Variants in KCND1 observed in about 807,000 individuals in gnomAD.
The protein encoded by KCND1 is A-type voltage-gated potassium channel KCND1.
Under a neutral mutation model 31.8 loss-of-function variants are expected in KCND1, and 11 were observed. The observed-to-expected ratio is 0.35, with a 90% confidence interval of 0.22 to 0.57. The LOEUF (loss-of-function observed/expected upper bound fraction) is 0.57. KCND1 is among the 20% of genes least tolerant of loss of function. KCND1 has a pLI of 0.85. For synonymous variants in KCND1, 234 were observed against 248.1 expected (o/e 0.94, Z 0.53); for missense variants, 471 against 596.8 (o/e 0.79, Z 2.20).
Position 48,970,235 on chromosome X carries a change from G to A in KCND1, c.37C>T (p.Arg13Trp), listed in dbSNP as rs782455528. The A allele has an allele frequency of 7.5e-6, 9 of 1,202,844 alleles. No individual in the cohort carries two copies. Among genetic ancestry groups the A allele is most frequent in the African/African-American group, 1.8e-5 (1 of 57,050 alleles). The change falls in exon 1 of 6, where the codon CGG (arginine) becomes TGG (tryptophan). Residue 13 changes from arginine to tryptophan, a missense_variant. By Grantham distance (101) the Arg-to-Trp change is moderately radical (BLOSUM62 -3). Coordinates refer to ENST00000218176, the MANE Select transcript of KCND1 (RefSeq NM_004979.6). ...AGLATWLPFARAAAVGWLPLA... is the reference protein window; with the variant it reads ...AGLATWLPFAWAAAVGWLPLA... ...GGCAGCCAGCCCACTGCTGCTGCCC[G>A]AGCAAAAGGCAGCCACGTGGCCAGG... is the stretch of plus-strand genomic sequence containing the variant.
chrX:48,968,406 T>C (rs918191528), intron 1 of KCND1: 2 of 111,642 alleles, frequency 1.8e-5, no homozygotes, highest in South Asian at 3.7e-4. Context: ...GGCTCAGAAG[T>C]AGTGCCCCAC....
intron 5 of KCND1, among the ~76,000 whole-genome samples, chrX:48,965,077 C>T (rs1188157899): frequency 1.2e-4 from 11 of 94,560 alleles, no homozygotes; most frequent in African/African-American, 3.1e-4. Flanking sequence ...TTTTAGACAG[C>T]GTTTCACTCT....
At position 48,969,368 on chromosome X, in the gene KCND1, T is replaced by C. The variant is rs368016989; in HGVS notation, c.904A>G (p.Ile302Val). The change falls in exon 1 of 6, where the codon ATC (isoleucine) becomes GTC (valine). Residue 302 changes from isoleucine to valine, a missense_variant. By Grantham distance (29) the Ile-to-Val change is conservative (BLOSUM62 3). This residue lies in a region of KCND1 where 74 missense variants were observed against 154.2 expected (regional missense o/e 0.48). Coordinates refer to ENST00000218176, the MANE Select transcript of KCND1 (RefSeq NM_004979.6). ...TGTGAGTGCCTGGAGAACTTGAAGA[T>C]GCGAAACACCCGGAACACACGCAGG... ...VTLRVFRVFRIFKFSRHSQGL... is the reference protein window; with the variant it reads ...VTLRVFRVFRVFKFSRHSQGL... 3.3e-6 allele frequency: 4 copies of C among 1,208,580 alleles called. No individual in the cohort carries two copies. Among genetic ancestry groups the C allele is most frequent in the Non-Finnish European group, 4.5e-6 (4 of 894,366 alleles).
chrX:48,962,608 G>A lies in KCND1; in HGVS notation c.1917C>T (p.Pro639=), dbSNP rs1557057266. 3.3e-6 allele frequency: 4 copies of A among 1,207,714 alleles called. No homozygotes were observed. Among genetic ancestry groups the A allele is most frequent in the South Asian group, 1.8e-5 (1 of 56,443 alleles). The change falls in exon 6 of 6, where the codon CCC becomes CCT. Residue 639 remains proline (P), a synonymous_variant. Coordinates refer to ENST00000218176, the MANE Select transcript of KCND1 (RefSeq NM_004979.6). Reference sequence around the variant, plus strand: ...ACAGGGATGAGATCTTGACAGTCTCGGGGAAGAGGCAAGGGGTACCCAGGC... The same window carrying A: ...ACAGGGATGAGATCTTGACAGTCTCAGGGAAGAGGCAAGGGGTACCCAGGC... The part of the protein sequence containing the change: ...NSSLGTPCLF[P]ETVKISSL
At chrX:48,966,729 C>T in intron 3 of KCND1, 32 bp downstream of exon 3, 1 of 1,205,434 alleles carries the variant, frequency 8.3e-7, no homozygotes. Flanking sequence ...CCCGTTATGG[C>T]TCACCCCAAC....
At position 48,966,608 on chromosome X, in the gene KCND1, G is replaced by T. The variant is rs1602457643; in HGVS notation, c.1437C>A (p.His479Gln). The change falls in exon 4 of 6, where the codon CAC (histidine) becomes CAA (glutamine). Residue 479 changes from histidine (H) to glutamine (Q), a missense_variant. Transcript: ENST00000218176. ...RNRSAFEQQH[H>Q]HLLHCLEKTT... ...TCTTCTCTAGACAGTGCAGCAAGTG[G>T]TGATGTTGCTGTTCAAAGGCAGAAC... The T allele has an allele frequency of 8.3e-7, 1 of 1,209,951 alleles. No individual in the cohort carries two copies. The highest frequency in any genetic ancestry group is 3.0e-5 in the East Asian group (1 of 33,811).
In KCND1 at chrX:48,962,403, C is replaced by G. The variant is rs2064325518; in HGVS notation, c.*178G>C. ...AAATGTCTGGGGTGGGAGGAAGTTTCTCATTTCCTGGCTACTTCCCCACTA... is the reference window on the plus strand; with the variant it reads ...AAATGTCTGGGGTGGGAGGAAGTTTGTCATTTCCTGGCTACTTCCCCACTA... On this transcript the variant is annotated 3_prime_UTR_variant, in exon 6 of 6. Transcript: ENST00000218176. The G allele has an allele frequency of 2.3e-6, 1 of 425,799 alleles. No individual in the cohort carries two copies. The highest frequency in any genetic ancestry group is 4.1e-6 in the Non-Finnish European group (1 of 241,452). 35.1% of individuals were successfully genotyped at this position (425,799 alleles called of 1,213,427 possible). A position where few individuals can be genotyped will look rare whatever the true frequency, so the allele number is the denominator to read the frequency against.
At position 48,970,179 on chromosome X, in the gene KCND1, C is replaced by G. The variant is rs368004864; in HGVS notation, c.93G>C (p.Pro31=). 8.3e-7 allele frequency: 1 copy of G among 1,208,356 alleles called. No homozygotes were observed. Among genetic ancestry groups the G allele is most frequent in the African/African-American group, 1.7e-5 (1 of 57,269 alleles). The change falls in exon 1 of 6, where the codon CCG becomes CCC. Residue 31 remains proline (P), a synonymous_variant. Coordinates refer to ENST00000218176, the MANE Select transcript of KCND1 (RefSeq NM_004979.6). ...CATCTCCTCGAGATGCCTTCACCCC[C>G]GGTGCCGGGGGCAGGGGTTGCTGGG... ...PLAQQPLPPA[P]GVKASRGDEV...
rs1228089858 is a variant in KCND1 at position 48,971,165 on chromosome X, C to A, written c.-894G>T. ...TGGGGGAGGTGGGTATCTAGACGGG[C>A]CAACAAAGCCTGGTCGACACTCTCA... is the stretch of plus-strand genomic sequence containing the variant. On this transcript the variant is annotated 5_prime_UTR_variant, in exon 1 of 6. Coordinates refer to ENST00000218176, the MANE Select transcript of KCND1 (RefSeq NM_004979.6). 1 of 109,688 alleles carries A rather than the reference C, an allele frequency of 9.1e-6. No individual in the cohort carries two copies. Among genetic ancestry groups the A allele is most frequent in the Non-Finnish European group, 1.9e-5 (1 of 52,573 alleles). 9.0% of individuals were successfully genotyped at this position (109,688 alleles called of 1,213,427 possible). A position where few individuals can be genotyped will look rare whatever the true frequency, so the allele number is the denominator to read the frequency against.
chrX:48,965,896 A>G (rs1602456955), intron 5 of KCND1, among the ~76,000 whole-genome samples, 159 bp downstream of exon 5: 1 of 109,260 alleles, frequency 9.2e-6, no homozygotes, highest in Non-Finnish European at 1.9e-5. Context: ...AAAAGAATGG[A>G]TGAAGAATGA....
At chrX:48,963,169 C>T (rs1422411130) in intron 5 of KCND1, among the ~76,000 whole-genome samples, 1 of 104,110 alleles carries the variant, frequency 9.6e-6, no homozygotes, top group Non-Finnish European at 2.0e-5. Context: ...AGTTATCAGC[C>T]GGGTGCTGTG....
chrX:48,965,013 C>CT (rs2064345487), intron 5 of KCND1, among the ~76,000 whole-genome samples: 1 of 10,896 alleles, frequency 9.2e-5, no homozygotes, highest in Non-Finnish European at 7.3e-4. Context: ...AAGACTCCGT[C>CT]TAAAAAAAAA....
intron 5 of KCND1, among the ~76,000 whole-genome samples, chrX:48,964,191 T>C (rs1216751992): frequency 7.1e-5 from 8 of 111,931 alleles, no homozygotes; most frequent in African/African-American, 2.0e-4. Flanking sequence ...GAGGCCAGCC[T>C]GGCCAACATG....
At chrX:48,969,054 A>AAAAG (rs1456293170) in intron 1 of KCND1, 97 bp downstream of exon 1, 3 of 928,263 alleles carry the variant, frequency 3.2e-6, no homozygotes, top group African/African-American at 2.0e-5. Context: ...ACTCCATTTA[A>AAAAG]AAAGAAAGAA....
Position 48,962,346 on chromosome X carries a change from T to G in KCND1, c.*235A>C. On this transcript the variant is annotated 3_prime_UTR_variant, in exon 6 of 6. Coordinates refer to ENST00000218176, the MANE Select transcript of KCND1 (RefSeq NM_004979.6). ...CTAGGGCAAGGAGGCCAGGGGCCTG[T>G]GGAAGCCCAGTGCTTCAGCTCCCAC... 2.5e-6 allele frequency: 1 copy of G among 400,440 alleles called. No individual in the cohort carries two copies. The highest frequency in any genetic ancestry group is 4.1e-5 in the East Asian group (1 of 24,608). The allele number at this position is 400,440 out of a possible 1,213,427, so 33.0% of individuals were successfully genotyped here.
At chrX:48,967,277 G>A in intron 1 of KCND1, 171 bp from the exon 2 acceptor site, 1 of 449,835 alleles carries the variant, frequency 2.2e-6, no homozygotes, top group Non-Finnish European at 3.8e-6. Flanking sequence ...AGTGAGAAAT[G>A]GGCCTGGCCC....
In KCND1 at chrX:48,966,324, C is replaced by G; in HGVS notation, c.1468-19G>C. The stretch of plus-strand genomic sequence containing the variant: ...CATGGCACTATGGGCAGAAGGGAGG[C>G]AGGGTCACGGGGCATCCCATGGGAG... On this transcript the variant is annotated intron_variant, in intron 4 of 5. Coordinates refer to ENST00000218176, the MANE Select transcript of KCND1 (RefSeq NM_004979.6). 8.5e-7 allele frequency: 1 copy of G among 1,171,179 alleles called. No individual in the cohort carries two copies. The highest frequency in any genetic ancestry group is 1.1e-6 in the Non-Finnish European group (1 of 874,590).
chrX:48,965,521 T>C (rs939977798), intron 5 of KCND1, among the ~76,000 whole-genome samples: 24 of 112,275 alleles, frequency 2.1e-4, no homozygotes, highest in African/African-American at 7.8e-4. Context: ...CACTGCCACA[T>C]CCAAGTTGCC....
chrX:48,970,162 C>G lies in KCND1; in HGVS notation c.110G>C (p.Arg37Pro). 8.3e-7 allele frequency: 1 copy of G among 1,210,547 alleles called. No individual in the cohort carries two copies. The highest frequency in any genetic ancestry group is 1.1e-6 in the Non-Finnish European group (1 of 894,880). The change falls in exon 1 of 6, where the codon CGA (arginine) becomes CCA (proline). Residue 37 changes from arginine to proline, a missense_variant. Physicochemically the swap from Arg to Pro is moderately radical, Grantham distance 103. Around this residue, in one of 3 missense-constraint regions of KCND1, gnomAD observed 212 missense variants for 257.9 expected, o/e 0.82. Coordinates refer to ENST00000218176, the MANE Select transcript of KCND1 (RefSeq NM_004979.6). ...GTTCACCACCAGAACCTCATCTCCTCGAGATGCCTTCACCCCCGGTGCCGG... is the reference window on the plus strand; with the variant it reads ...GTTCACCACCAGAACCTCATCTCCTGGAGATGCCTTCACCCCCGGTGCCGG... The part of the protein sequence containing the change: ...LPPAPGVKAS[R>P]GDEVLVVNVS...
Sources: allele counts gnomAD v4.1 joint callset (sites outside exome capture counted in the v4.1 genomes callset), GRCh38; gene constraint gnomAD v4.1.1; regional missense constraint gnomAD v4.1.1; transcripts MANE v1.5; gene names NCBI Gene and HGNC (gene_info 2026-07-23, HGNC 2026-07-21).